RBM44: variants seen among roughly 807,000 people sequenced by gnomAD.
The protein encoded by RBM44 is RNA binding motif protein 44.
A neutral mutation model predicts 105.1 loss-of-function variants in RBM44; 66 were observed. The observed-to-expected ratio is 0.63, with a 90% CI of 0.52 to 0.77. RBM44 has a LOEUF of 0.77. Among genes scored for constraint, RBM44 ranks in the 30% least tolerant of loss-of-function variants. The pLI is 0.00. For missense variants in RBM44, 1,122 were observed against 1,207.8 expected, an observed-to-expected ratio of 0.93 and a Z score of 1.05; for synonymous variants, 365 against 417.6, an observed-to-expected ratio of 0.87 and a Z score of 1.54.
In RBM44 at chr2:237,817,508, ATAAG is replaced by A; in HGVS notation, c.593_596del (p.Ser198ThrfsTer11). 1 of 1,607,494 alleles carries A rather than the reference ATAAG, an allele frequency of 6.2e-7. No homozygotes were observed. On this transcript the variant is annotated frameshift_variant, in exon 3 of 16. Transcript: ENST00000316997. LOFTEE classifies it high-confidence loss of function. The stretch of plus-strand genomic sequence containing the variant: ...TCACAGTGCAGAAGAACAAGAATAC[ATAAG>A]TAACCATTTATCTTTTGACCAAACA...
intron 1 of RBM44, 186 bp downstream of exon 1, chr2:237,799,047 G>A (rs1357185538): frequency 1.3e-5 from 2 of 152,098 alleles, no homozygotes; most frequent in African/African-American, 2.4e-5. Context: ...GCGGGCGGGG[G>A]ACTGGCGCGT....
In RBM44 at chr2:237,827,329, G is replaced by A. The variant is rs2061857650; in HGVS notation, c.2529G>A (p.Glu843=). The A allele has an allele frequency of 1.3e-6, 2 of 1,555,550 alleles. No homozygotes were observed. Among genetic ancestry groups the A allele is most frequent in the Non-Finnish European group, 1.8e-6 (2 of 1,136,746 alleles). The change falls in exon 11 of 16, where the codon GAG becomes GAA. Residue 843 remains glutamate (E), a splice_region_variant and synonymous_variant. Coordinates refer to ENST00000316997, the MANE Select transcript of RBM44 (RefSeq NM_001080504.3). ...GTGGCCTCTGCCCTTCAGTATCTGA[G>A]GTATACCAGGATTATTTTTTTGAGC... ...HVGGLCPSVS[E]ADLRSHFQKY...
chr2:237,802,710 C>G (rs1291614796), intron 1 of RBM44, among the ~76,000 whole-genome samples: 2 of 152,200 alleles, frequency 1.3e-5, no homozygotes, highest in East Asian at 3.8e-4. Context: ...CTGATCACCT[C>G]TCTGTCCTCA....
At position 237,823,467 on chromosome 2, in the gene RBM44, G is replaced by T; in HGVS notation, c.2233G>T (p.Ala745Ser). 1 of 1,523,190 alleles carries T rather than the reference G, an allele frequency of 6.6e-7. No individual in the cohort carries two copies. The allele number at this position is 1,523,190 out of a possible 1,614,324, so 94.4% of individuals were successfully genotyped here. ...QMSLSSDNSH[A>S]TQNISPKKDD... is the part of the protein sequence containing the mutation. ...GTCTTTATCATCTGACAATAGTCATGCTACACAAAACATATCACCCAAGAA... is the reference window on the plus strand; with the variant it reads ...GTCTTTATCATCTGACAATAGTCATTCTACACAAAACATATCACCCAAGAA... The change falls in exon 9 of 16, where the codon GCT (alanine) becomes TCT (serine). Residue 745 changes from alanine (A) to serine (S), a missense_variant. Ala to Ser is a moderately conservative substitution (Grantham distance 99, BLOSUM62 1). This residue lies in a region of RBM44 where 918 missense variants were observed against 955.3 expected (regional missense o/e 0.96). Transcript: ENST00000316997.
intron 15 of RBM44, among the ~76,000 whole-genome samples, chr2:237,836,778 CAAAA>C (rs71039782): frequency 3.4e-5 from 3 of 87,996 alleles, no homozygotes; most frequent in African/African-American, 4.2e-5. Flanking sequence ...GACTCCGTCT[CAAAA>C]AAAAAAAAAA....
At chr2:237,824,961 A>G (rs2061832715) in intron 10 of RBM44, among the ~76,000 whole-genome samples, 1 of 151,482 alleles carries the variant, frequency 6.6e-6, no homozygotes, top group Non-Finnish European at 1.5e-5. Context: ...TTTTTTCTGT[A>G]TCTTCTATGG....
intron 1 of RBM44, among the ~76,000 whole-genome samples, chr2:237,806,497 G>A (rs781320386): frequency 1.3e-5 from 2 of 152,180 alleles, no homozygotes; most frequent in Non-Finnish European, 2.9e-5. Context: ...CTGAGAGAAA[G>A]GAAACACCCA....
intron 13 of RBM44, 40 bp downstream of exon 13, chr2:237,829,542 G>A (rs532468025): frequency 5.8e-5 from 89 of 1,523,808 alleles, no homozygotes; most frequent in African/African-American, 1.9e-4. Context: ...GTCTTTGTAC[G>A]TCATATTGCT....
chr2:237,827,184 C>G, intron 10 of RBM44, 66 bp from the exon 11 acceptor site: 1 of 900,594 alleles, frequency 1.1e-6, no homozygotes, highest in Non-Finnish European at 1.7e-6. Flanking sequence ...TAACAGTGTT[C>G]ACATTTTCTC....
At chr2:237,799,993 T>A (rs749775363) in intron 1 of RBM44, among the ~76,000 whole-genome samples, 4 of 152,166 alleles carry the variant, frequency 2.6e-5, no homozygotes, top group Admixed American at 6.5e-5. Context: ...AAAATGGGCA[T>A]GTACCTAGGA....
rs1191356779 is a variant in RBM44, at chr2:237,821,759, G to A, written c.2137G>A (p.Ala713Thr). ...KETHVFSEAD[A>T]EQDNQRAHDV... The stretch of plus-strand genomic sequence containing the variant: ...TCTTTTTAGCTTTTCAGAAGCAGAT[G>A]CTGAACAAGATAATCAGAGGGCTCA... The change falls in exon 8 of 16, where the codon GCT (alanine) becomes ACT (threonine). Residue 713 changes from alanine to threonine, a missense_variant. Around this residue, in one of 3 missense-constraint regions of RBM44, gnomAD observed 918 missense variants for 955.3 expected, o/e 0.96. Transcript: ENST00000316997. The A allele has an allele frequency of 6.2e-7, 1 of 1,610,394 alleles. No homozygotes were observed.
chr2:237,833,952 A>AT, intron 13 of RBM44, 45 bp from the exon 14 acceptor site: 1 of 1,118,912 alleles, frequency 8.9e-7, no homozygotes, highest in Admixed American at 3.0e-5. Flanking sequence ...TCTTTATGTA[A>AT]TGGTCCTTAC....
At chr2:237,815,071 T>C (rs568175139) in intron 2 of RBM44, among the ~76,000 whole-genome samples, 4 of 152,242 alleles carry the variant, frequency 2.6e-5, no homozygotes, top group African/African-American at 7.2e-5. Context: ...CCAGGCAAGC[T>C]ACTTGGGTGG....
chr2:237,817,191 G>A lies in RBM44; in HGVS notation c.272G>A (p.Ser91Asn). ...FSVSQDTNTESTQFQSSELED... is the reference protein window; with the variant it reads ...FSVSQDTNTENTQFQSSELED... ...GTGAGTCAAGATACTAACACAGAGA[G>A]TACTCAGTTTCAGTCAAGTGAACTT... Residue 91 changes from serine (S) to asparagine (N), a missense_variant, in exon 3 of 16, where the codon AGT (serine) becomes AAT (asparagine). Around this residue, in one of 3 missense-constraint regions of RBM44, gnomAD observed 918 missense variants for 955.3 expected, o/e 0.96. Coordinates refer to ENST00000316997, the MANE Select transcript of RBM44 (RefSeq NM_001080504.3). 1.2e-6 allele frequency: 2 copies of A among 1,601,724 alleles called. No individual in the cohort carries two copies. The highest frequency in any genetic ancestry group is 1.7e-6 in the Non-Finnish European group (2 of 1,174,720).
intron 13 of RBM44, 150 bp downstream of exon 13, chr2:237,829,652 T>A: frequency 2.8e-6 from 2 of 715,518 alleles, no homozygotes; most frequent in South Asian, 4.4e-5. Flanking sequence ...CACCTCAACC[T>A]GCTTTTGTAC....
rs1366251114 is a variant in RBM44, at chr2:237,817,130, A to G, written c.211A>G (p.Ile71Val). 2 of 1,609,254 alleles carry G rather than the reference A, an allele frequency of 1.2e-6. No individual in the cohort carries two copies. Among genetic ancestry groups the G allele is most frequent in the Non-Finnish European group, 8.5e-7 (1 of 1,178,282 alleles). The stretch of plus-strand genomic sequence containing the variant: ...AGCTAATAATAAAGAAATCAGCAAT[A>G]TTGACAAAATGGATTTATTAGAGCC... ...QRANNKEISN[I>V]DKMDLLEPFF... is the part of the protein sequence containing the mutation. The change falls in exon 3 of 16, where the codon ATT becomes GTT. Residue 71 changes from isoleucine (I) to valine (V), a missense_variant. By Grantham distance (29) the Ile-to-Val change is conservative (BLOSUM62 3). Coordinates refer to ENST00000316997, the MANE Select transcript of RBM44 (RefSeq NM_001080504.3).
In RBM44 at chr2:237,823,522, C is replaced by A. The variant is rs1330760907; in HGVS notation, c.2288C>A (p.Ala763Glu). ...KDDFKNGDIN[A>E]DFSQLKLGDK... is the part of the protein sequence containing the mutation. The stretch of plus-strand genomic sequence containing the variant: ...GACTTTAAAAATGGTGATATAAATG[C>A]AGACTTTAGTCAACTGAAACTTGGT... The change falls in exon 9 of 16, where the codon GCA becomes GAA. Residue 763 changes from alanine to glutamate, a missense_variant. Around this residue, in one of 3 missense-constraint regions of RBM44, gnomAD observed 918 missense variants for 955.3 expected, o/e 0.96. Transcript: ENST00000316997. The A allele has an allele frequency of 2.6e-6, 4 of 1,527,792 alleles. No individual in the cohort carries two copies. In the Admixed American group the frequency reaches 5.9e-5, roughly 22 times the overall value. 94.6% of individuals were successfully genotyped at this position (1,527,792 alleles called of 1,614,324 possible). A position where few individuals can be genotyped will look rare whatever the true frequency, so the allele number is the denominator to read the frequency against.
Position 237,834,300 on chromosome 2 carries a change from C to T in RBM44, c.3055C>T (p.Gln1019Ter). The change falls in exon 15 of 16, where the codon CAG (glutamine) becomes TAG (stop). Residue 1019 changes from glutamine to a stop codon, truncating the protein, a stop_gained. Coordinates refer to ENST00000316997, the MANE Select transcript of RBM44 (RefSeq NM_001080504.3). LOFTEE classifies it high-confidence loss of function. ...VSRDHIINALQEVRIRHKGFL... is the reference protein window; with the variant it reads ...VSRDHIINAL ...TAGAGACCATATTATAAATGCACTTCAGGAAGTGAGAATAAGACATAAAGG... is the reference window on the plus strand; with the variant it reads ...TAGAGACCATATTATAAATGCACTTTAGGAAGTGAGAATAAGACATAAAGG... 1 of 1,581,866 alleles carries T rather than the reference C, an allele frequency of 6.3e-7. No individual in the cohort carries two copies. Among genetic ancestry groups the T allele is most frequent in the Non-Finnish European group, 8.6e-7 (1 of 1,163,584 alleles).
rs1316333394 is a variant in RBM44 at position 237,803,818 on chromosome 2, C to A, written c.-19+4957C>A. Among the ~76,000 whole-genome samples the A allele has an allele frequency of 6.6e-6, 1 of 151,620 alleles. No homozygotes were observed. Among genetic ancestry groups the A allele is most frequent in the Non-Finnish European group, 1.5e-5 (1 of 67,974 alleles). ...GTGTGGGTCCAGGCAATTTTTCCCT[C>A]TAGGTAAAAATCTAGATAGTAGAAA... On this transcript the variant is annotated intron_variant, in intron 1 of 15. Transcript: ENST00000316997. The surrounding 1 kb of genome is among the most constrained non-coding windows in gnomAD (Gnocchi z 4.2).
Sources: gnomAD v4.1 joint callset for allele counts (sites outside exome capture counted in the v4.1 genomes callset) on GRCh38, gnomAD v4.1.1 for gene constraint, gnomAD v4.1.1 regional missense constraint, Gnocchi (gnomAD v3.1) non-coding constraint, MANE v1.5 for transcripts, NCBI Gene and HGNC (gene_info 2026-07-23, HGNC 2026-07-21) for gene names.